Variants in CNTN4 observed in about 807,000 individuals in gnomAD.
CNTN4 encodes the protein contactin-4.
In CNTN4, 77 loss-of-function variants were observed where a neutral mutation model predicts 122.5. The ratio of observed to expected loss-of-function variants is 0.63; its 90% CI spans 0.52 to 0.76. CNTN4 has a LOEUF of 0.76. Among genes scored for constraint, CNTN4 ranks in the 30% least tolerant of loss-of-function variants. The pLI is 0.00. For synonymous variants in CNTN4, 512 were observed against 447.0 expected (o/e 1.15, Z -1.83); for missense variants, 1,256 against 1,259.1 (o/e 1.00, Z 0.04).
intron 2 of CNTN4, chr3:2,144,257 T>A (rs547443709): frequency 3.9e-5 from 6 of 152,162 alleles, no homozygotes; most frequent in Non-Finnish European, 7.4e-5. Context: ...GCCTGGGGAT[T>A]TTTCTGGATT....
intron 3 of CNTN4, among the ~76,000 whole-genome samples, chr3:2,460,561 C>T (rs1016744479): frequency 6.6e-6 from 1 of 152,182 alleles, no homozygotes; most frequent in Non-Finnish European, 1.5e-5. Context: ...TACATGACCC[C>T]TTTATCCTCT....
intron 13 of CNTN4, among the ~76,000 whole-genome samples, chr3:2,932,934 T>C (rs986754246): frequency 2.6e-5 from 4 of 152,170 alleles, no homozygotes; most frequent in East Asian, 1.9e-4. Flanking sequence ...ATCATTCTCT[T>C]GCCTCAGCCT....
intron 3 of CNTN4, among the ~76,000 whole-genome samples, chr3:2,545,749 C>T (rs1559216389): frequency 6.6e-6 from 1 of 151,736 alleles, no homozygotes; most frequent in Non-Finnish European, 1.5e-5. Context: ...TTATCTTGAG[C>T]CTGTGAGTGT....
chr3:2,550,426 T>G (rs369513378), intron 3 of CNTN4, among the ~76,000 whole-genome samples: 3 of 151,996 alleles, frequency 2.0e-5, no homozygotes, highest in Admixed American at 1.3e-4. Flanking sequence ...GTTAGAATGG[T>G]GATCATTAAA....
intron 2 of CNTN4, among the ~76,000 whole-genome samples, chr3:2,272,168 T>G (rs1402971638): frequency 3.0e-5 from 1 of 33,644 alleles, no homozygotes; most frequent in African/African-American, 6.9e-5. Context: ...AAATTACAAG[T>G]TTTTTTTCTG....
chr3:2,807,024 A>G (rs1057452281), intron 6 of CNTN4, among the ~76,000 whole-genome samples: 1 of 152,210 alleles, frequency 6.6e-6, no homozygotes, highest in African/African-American at 2.4e-5. Flanking sequence ...TCTTACCCAC[A>G]TTAAGCTCTT....
chr3:2,366,661 A>G (rs1261885576), intron 3 of CNTN4, among the ~76,000 whole-genome samples: 1 of 151,918 alleles, frequency 6.6e-6, no homozygotes, highest in East Asian at 1.9e-4. Context: ...CGGGAGGCGG[A>G]GCTTGCAGTG....
chr3:2,882,665 C>T (rs543832056), intron 8 of CNTN4: 2 of 164,740 alleles, frequency 1.2e-5, no homozygotes, highest in African/African-American at 2.4e-5. Flanking sequence ...TTTATATTGG[C>T]CTTGGAAATG....
chr3:2,119,982 T>C (rs2033613635), intron 2 of CNTN4, among the ~76,000 whole-genome samples: 1 of 152,090 alleles, frequency 6.6e-6, no homozygotes, highest in Non-Finnish European at 1.5e-5. Flanking sequence ...GGCTTCTTGG[T>C]AAATGTGAAT....
rs557954838 is a variant in CNTN4 at position 2,225,528 on chromosome 3, C to A, written c.-144-113650C>A. On this transcript the variant is annotated intron_variant, in intron 2 of 24. Coordinates refer to ENST00000418658, the MANE Select transcript of CNTN4 (RefSeq NM_175607.3). ...GACTCCATTTCAAAAAACAAACAAA[C>A]AAAAAACAAAAACAAACAAACAAAA... Among the ~76,000 whole-genome samples, 317 of 151,916 alleles carry A rather than the reference C, an allele frequency of 2.1e-3. 2 individuals are homozygous for A. The highest frequency in any genetic ancestry group is 3.2e-3 in the Non-Finnish European group (214 of 67,930).
intron 3 of CNTN4, among the ~76,000 whole-genome samples, chr3:2,512,483 A>C (rs999878094): frequency 2.0e-5 from 3 of 152,226 alleles, no homozygotes; most frequent in Non-Finnish European, 4.4e-5. Flanking sequence ...ATTAGAATTT[A>C]ATATTGTTAA....
chr3:2,408,172 G>A (rs1258426847), intron 3 of CNTN4, among the ~76,000 whole-genome samples: 1 of 152,112 alleles, frequency 6.6e-6, no homozygotes, highest in Non-Finnish European at 1.5e-5. Context: ...GAGAGGGCTT[G>A]GACTAGGCCA....
At chr3:2,113,410 T>G (rs985696018) in intron 2 of CNTN4, among the ~76,000 whole-genome samples, 55 of 152,346 alleles carry the variant, frequency 3.6e-4, no homozygotes, top group African/African-American at 1.2e-3. Context: ...GCCCATTGAT[T>G]GGCATCTCCA....
chr3:2,860,313 T>G (rs1017217299), intron 7 of CNTN4, among the ~76,000 whole-genome samples: 1 of 152,170 alleles, frequency 6.6e-6, no homozygotes, highest in African/African-American at 2.4e-5. Flanking sequence ...GCAGAGTCAA[T>G]TATAAATGTT....
Position 2,113,764 on chromosome 3 carries a change from A to T in CNTN4, c.-145+13125A>T, listed in dbSNP as rs532318932. On this transcript the variant is annotated intron_variant, in intron 2 of 24. Coordinates refer to ENST00000418658, the MANE Select transcript of CNTN4 (RefSeq NM_175607.3). ...ATGAATGGAATAGACAATGCTTTGAAAATCACTGGAGGGAGGCTTTATTGT... is the reference window on the plus strand; with the variant it reads ...ATGAATGGAATAGACAATGCTTTGATAATCACTGGAGGGAGGCTTTATTGT... 5.3e-5 allele frequency among the ~76,000 whole-genome samples: 8 copies of T among 152,324 alleles called. No individual in the cohort carries two copies. The South Asian group carries it at 1.7e-3, about 32-fold the overall frequency.
At chr3:2,212,665 C>G (rs1385565622) in intron 2 of CNTN4, among the ~76,000 whole-genome samples, 1 of 152,148 alleles carries the variant, frequency 6.6e-6, no homozygotes, top group Non-Finnish European at 1.5e-5. Context: ...ACAGCCAAAC[C>G]GTATCAGCTA....
At chr3:2,280,103 C>A (rs2041662543) in intron 2 of CNTN4, among the ~76,000 whole-genome samples, 1 of 151,038 alleles carries the variant, frequency 6.6e-6, no homozygotes, top group African/African-American at 2.4e-5. Flanking sequence ...TATACCAGAC[C>A]ATTCAACATG....
chr3:2,432,468 T>A (rs2048108677), intron 3 of CNTN4, among the ~76,000 whole-genome samples: 1 of 152,162 alleles, frequency 6.6e-6, no homozygotes, highest in South Asian at 2.1e-4. Context: ...TTAGTTGTTT[T>A]TTTCAGTGAA....
intron 6 of CNTN4, among the ~76,000 whole-genome samples, chr3:2,792,562 A>G (rs1305511283): frequency 6.6e-6 from 1 of 152,230 alleles, no homozygotes; most frequent in Non-Finnish European, 1.5e-5. Flanking sequence ...CTAGAAGCCA[A>G]TTGAATTAGC....
Sources: gnomAD v4.1 joint callset for allele counts (sites outside exome capture counted in the v4.1 genomes callset) on GRCh38, gnomAD v4.1.1 for gene constraint, MANE v1.5 for transcripts, NCBI Gene and HGNC (gene_info 2026-07-23, HGNC 2026-07-21) for gene names.